The following ITPR1 variants were observed in gnomAD, a reference collection of about 807,000 sequenced individuals.
The protein encoded by ITPR1 is inositol 1,4,5-trisphosphate-gated calcium channel ITPR1.
ITPR1 carries 96 observed loss-of-function variants against 318.4 expected under a neutral mutation model. The ratio of observed to expected loss-of-function variants is 0.30; its 90% confidence interval spans 0.26 to 0.36. ITPR1 has a LOEUF of 0.36. Ranked by LOEUF, ITPR1 falls within the 10% of genes least tolerant of loss-of-function variation. The probability of loss-of-function intolerance (pLI) is 1.00; values close to 1 mark genes in which losing one functional copy is unlikely to be tolerated. For synonymous variants in ITPR1, 1,312 were observed against 1,289.9 expected (o/e 1.02, Z -0.37); for missense variants, 2,440 against 3,460.2 (o/e 0.71, Z 7.40).
At chr3:4,737,159 C>T (rs1014601217) in intron 44 of ITPR1, among the ~76,000 whole-genome samples, 1 of 152,064 alleles carries the variant, frequency 6.6e-6, no homozygotes, top group South Asian at 2.1e-4. Flanking sequence ...GTTATTCCTT[C>T]CCTTCCCCAA....
chr3:4,622,254 A>T (rs1293119881), intron 4 of ITPR1, among the ~76,000 whole-genome samples: 2 of 151,032 alleles, frequency 1.3e-5, no homozygotes, highest in African/African-American at 4.9e-5. Flanking sequence ...AGCTGGGACT[A>T]CAGGCGCATG....
At chr3:4,777,771 C>T (rs1416419179) in intron 48 of ITPR1, among the ~76,000 whole-genome samples, 1 of 139,508 alleles carries the variant, frequency 7.2e-6, no homozygotes, top group Non-Finnish European at 1.5e-5. Context: ...AATAGTACAA[C>T]TAAGCCTATC....
At chr3:4,582,641 A>G (rs2089474476) in intron 4 of ITPR1, among the ~76,000 whole-genome samples, 1 of 152,232 alleles carries the variant, frequency 6.6e-6, no homozygotes, top group Non-Finnish European at 1.5e-5. Flanking sequence ...TCTGGAACAG[A>G]CTAGCAATTG....
intron 45 of ITPR1, chr3:4,768,292 G>A (rs560586189): frequency 2.0e-4 from 101 of 515,178 alleles, no homozygotes; most frequent in Middle Eastern, 1.5e-3. Context: ...CACTGTACAC[G>A]TAGGTGAAAT....
At chr3:4,546,564 G>C (rs34122672) in intron 4 of ITPR1, among the ~76,000 whole-genome samples, 6,117 of 152,276 alleles carry the variant, frequency 0.04, 154 homozygotes, top group Middle Eastern at 0.078. Flanking sequence ...TGACCAGTCA[G>C]TAGCAAATGC....
intron 2 of ITPR1, among the ~76,000 whole-genome samples, chr3:4,495,030 C>T (rs2080441051): frequency 1.3e-5 from 2 of 152,130 alleles, no homozygotes; most frequent in Non-Finnish European, 2.9e-5. Context: ...TGGTAGCATC[C>T]AGCCCTTGAC....
In ITPR1 at chr3:4,781,391, C is replaced by T. The variant is rs2046828721; in HGVS notation, c.6388-1228C>T. ...GATGTGTTCATTTGATAAGTGTTGG[C>T]CACACCCTACATTGTCCTGGGCATT... On this transcript the variant is annotated intron_variant, in intron 49 of 61. Coordinates refer to ENST00000649015, the MANE Select transcript of ITPR1 (RefSeq NM_001378452.1). 2.0e-5 allele frequency among the ~76,000 whole-genome samples: 3 copies of T among 152,248 alleles called. No individual in the cohort carries two copies. The East Asian group carries it at 5.8e-4, about 29-fold the overall frequency.
chr3:4,788,518 T>C (rs2047347518), intron 52 of ITPR1, among the ~76,000 whole-genome samples: 1 of 152,230 alleles, frequency 6.6e-6, no homozygotes, highest in Non-Finnish European at 1.5e-5. Context: ...CTGGCTCATT[T>C]ACTAGCACAC....
At position 4,710,685 on chromosome 3, in the gene ITPR1, T is replaced by A. The variant is rs925482645; in HGVS notation, c.4991+212T>A. Among the ~76,000 whole-genome samples, 1 of 152,204 alleles carries A rather than the reference T, an allele frequency of 6.6e-6. No homozygotes were observed. Among genetic ancestry groups the A allele is most frequent in the African/African-American group, 2.4e-5 (1 of 41,444 alleles). ...TTTGTTTTGTTTTGTTTTGCTTTGT[T>A]TTTTGGTGAGAAGTTCTTATTTTCA... On this transcript the variant is annotated intron_variant, in intron 38 of 61. Transcript: ENST00000649015. The surrounding 1 kb of genome is among the most constrained non-coding windows in gnomAD (Gnocchi z 4.2).
intron 4 of ITPR1, among the ~76,000 whole-genome samples, chr3:4,524,039 G>A (rs1479539750): frequency 1.3e-5 from 2 of 152,156 alleles, no homozygotes; most frequent in African/African-American, 2.4e-5. Context: ...AAGGTTTCTG[G>A]GTTGTGAGAT....
intron 34 of ITPR1, among the ~76,000 whole-genome samples, chr3:4,698,496 A>G (rs1334305447): frequency 6.6e-6 from 1 of 152,114 alleles, no homozygotes; most frequent in African/African-American, 2.4e-5. Context: ...AATTTTCTGT[A>G]AAGGACCAGA....
intron 4 of ITPR1, among the ~76,000 whole-genome samples, chr3:4,604,718 C>G (rs1209556799): frequency 3.9e-5 from 6 of 152,092 alleles, no homozygotes; most frequent in South Asian, 2.1e-4. Context: ...AGCTTAGGAT[C>G]TGCAGTAGTT....
chr3:4,563,991 G>A (rs1053261167), intron 4 of ITPR1, among the ~76,000 whole-genome samples: 4 of 151,878 alleles, frequency 2.6e-5, no homozygotes, highest in African/African-American at 9.7e-5. Context: ...ACCCAGACTG[G>A]AGTGTAGTGG....
chr3:4,785,196 C>T (rs928514025), intron 51 of ITPR1, among the ~76,000 whole-genome samples: 3 of 152,218 alleles, frequency 2.0e-5, no homozygotes, highest in Non-Finnish European at 4.4e-5. Flanking sequence ...AAATAAGGCT[C>T]AGAGAGACTG....
At chr3:4,675,310 A>C in intron 23 of ITPR1, 62 bp downstream of exon 23, 23 of 1,201,062 alleles carry the variant, frequency 1.9e-5, no homozygotes, top group South Asian at 5.4e-5. Flanking sequence ...TGTTATGCTC[A>C]TGTCATACCC....
At chr3:4,713,011 G>A (rs2041496709) in intron 39 of ITPR1, among the ~76,000 whole-genome samples, 1 of 152,172 alleles carries the variant, frequency 6.6e-6, no homozygotes, top group African/African-American at 2.4e-5. Context: ...CCCCTGGCAA[G>A]GTGAGAAGTG....
chr3:4,585,277 A>G (rs1321643932), intron 4 of ITPR1, among the ~76,000 whole-genome samples: 7 of 152,232 alleles, frequency 4.6e-5, no homozygotes, highest in Admixed American at 4.6e-4. Context: ...TATATAGAAT[A>G]TACAGAATGT....
Position 4,669,750 on chromosome 3 carries a change from C to G in ITPR1, c.1983C>G (p.Asn661Lys). The G allele has an allele frequency of 6.2e-7, 1 of 1,612,434 alleles. No homozygotes were observed. Among genetic ancestry groups the G allele is most frequent in the Non-Finnish European group, 8.5e-7 (1 of 1,179,020 alleles). Residue 661 changes from asparagine (N) to lysine (K), a missense_variant, in exon 19 of 62, where the codon AAC becomes AAG. This residue lies in a region of ITPR1 where 478 missense variants were observed against 696.3 expected (regional missense o/e 0.69). Transcript: ENST00000649015. ...LICKAVLNPT[N>K]ADILIETKLV... ...GTAAAGCTGTGCTGAACCCCACCAA[C>G]GCTGACATCCTGATTGAGACCAAGT...
chr3:4,794,293 C>T lies in ITPR1; in HGVS notation c.6809-772C>T, dbSNP rs368371921. ...CCAGCGTGGGATAACCTGTGGGCAG[C>T]GGTGGATTAAGGTGGCAGCAATGTC... On this transcript the variant is annotated intron_variant, in intron 52 of 61. Coordinates refer to ENST00000649015, the MANE Select transcript of ITPR1 (RefSeq NM_001378452.1). 5.1e-4 allele frequency among the ~76,000 whole-genome samples: 78 copies of T among 152,290 alleles called. 2 individuals are homozygous for T. In the South Asian group the frequency reaches 0.015, roughly 29 times the overall value.
Sources: gnomAD v4.1 joint callset for allele counts (sites outside exome capture counted in the v4.1 genomes callset) on GRCh38, gnomAD v4.1.1 for gene constraint, gnomAD v4.1.1 regional missense constraint, Gnocchi (gnomAD v3.1) non-coding constraint, MANE v1.5 for transcripts, NCBI Gene and HGNC (gene_info 2026-07-23, HGNC 2026-07-21) for gene names.